Variants in MAP4K3 observed in about 807,000 individuals in gnomAD.
MAP4K3 encodes mitogen-activated protein kinase kinase kinase kinase 3, also known as MAPK/ERK kinase kinase kinase 3.
In MAP4K3, 94 loss-of-function variants were observed where a neutral mutation model predicts 143.5. That is an observed-to-expected ratio of 0.65 (90% CI 0.55 to 0.78). The LOEUF is 0.78. Ranked by LOEUF, MAP4K3 falls within the 30% of genes least tolerant of loss-of-function variation. The pLI is 0.00. For missense variants in MAP4K3, 1,077 were observed against 1,068.1 expected (o/e 1.01, Z -0.12); for synonymous variants, 416 against 347.2 (o/e 1.20, Z -2.20).
chr2:39,437,104 C>T lies in MAP4K3; in HGVS notation c.-117G>A. ...CCGGCTCCCCCGGCGGTCACAATCA[C>T]CCGGCTCCACGCTGCGGCCGCCGCC... On this transcript the variant is annotated 5_prime_UTR_variant, in exon 1 of 34. It adds an upstream start codon to the 5' untranslated region. Coordinates refer to ENST00000263881, the MANE Select transcript of MAP4K3 (RefSeq NM_003618.4). 1.5e-6 allele frequency: 1 copy of T among 652,830 alleles called. No homozygotes were observed. The highest frequency in any genetic ancestry group is 2.4e-6 in the Non-Finnish European group (1 of 417,656). 40.4% of individuals were successfully genotyped at this position (652,830 alleles called of 1,614,324 possible). A position where few individuals can be genotyped will look rare whatever the true frequency, so the allele number is the denominator to read the frequency against.
chr2:39,424,055 T>G (rs976572801), intron 1 of MAP4K3, among the ~76,000 whole-genome samples: 1 of 152,172 alleles, frequency 6.6e-6, no homozygotes. Context: ...GCGATTCTCC[T>G]GCCTCAGCCT....
intron 14 of MAP4K3, among the ~76,000 whole-genome samples, chr2:39,308,639 A>G (rs941605277): frequency 6.6e-6 from 1 of 152,178 alleles, no homozygotes; most frequent in Non-Finnish European, 1.5e-5. Context: ...GTATTTTCCA[A>G]TGTCTCATTT....
chr2:39,311,740 A>G (rs1026237131), intron 13 of MAP4K3, among the ~76,000 whole-genome samples: 1 of 152,266 alleles, frequency 6.6e-6, no homozygotes, highest in Non-Finnish European at 1.5e-5. Context: ...AGATGACTCC[A>G]GCCCTAGCTG....
intron 20 of MAP4K3, among the ~76,000 whole-genome samples, chr2:39,287,877 T>C (rs542426735): frequency 6.6e-6 from 1 of 152,272 alleles, no homozygotes; most frequent in South Asian, 2.1e-4. Context: ...AACCAGTCTC[T>C]AGAAGAGAGA....
intron 15 of MAP4K3, among the ~76,000 whole-genome samples, chr2:39,305,211 G>A (rs184117014): frequency 7.0e-4 from 107 of 152,174 alleles, no homozygotes; most frequent in Non-Finnish European, 5.9e-4. Flanking sequence ...AGTAAATTTC[G>A]TAATGTATAT....
intron 15 of MAP4K3, chr2:39,302,956 A>G (rs1253055954): frequency 6.0e-6 from 1 of 166,308 alleles, no homozygotes; most frequent in Admixed American, 6.5e-5. Context: ...AAAGTGTGAG[A>G]AAGAACTGAA....
intron 28 of MAP4K3, among the ~76,000 whole-genome samples, chr2:39,261,384 A>G (rs1680561308): frequency 6.6e-6 from 1 of 152,252 alleles, no homozygotes; most frequent in African/African-American, 2.4e-5. Context: ...GACAAAAAAA[A>G]TAGATGGAAA....
intron 12 of MAP4K3, among the ~76,000 whole-genome samples, chr2:39,317,075 T>C (rs1683135201): frequency 6.6e-6 from 1 of 151,956 alleles, no homozygotes; most frequent in South Asian, 2.1e-4. Flanking sequence ...TATAGACCAA[T>C]GGAACAGAAC....
chr2:39,381,516 G>C (rs529641241), intron 1 of MAP4K3, among the ~76,000 whole-genome samples: 27 of 152,114 alleles, frequency 1.8e-4, no homozygotes, highest in Admixed American at 7.8e-4. Context: ...TTTGTTTCTT[G>C]TGTTTTTAGT....
intron 2 of MAP4K3, among the ~76,000 whole-genome samples, chr2:39,371,780 A>C (rs947833675): frequency 3.2e-4 from 49 of 151,964 alleles, no homozygotes; most frequent in Admixed American, 3.1e-3. Context: ...AAGAAGAGCT[A>C]AGAAGGTCAC....
rs746083313 is a variant in MAP4K3, at chr2:39,290,381, A to T, written c.1272-47T>A. 4.1e-6 allele frequency: 5 copies of T among 1,213,204 alleles called. No homozygotes were observed. The South Asian group carries it at 6.7e-5, about 16-fold the overall frequency. 75.2% of individuals were successfully genotyped at this position (1,213,204 alleles called of 1,614,324 possible). On this transcript the variant is annotated intron_variant, in intron 18 of 33. Transcript: ENST00000263881. ...ATCAGAACTATTCATTTTACAAATG[A>T]ATCAATCCTAAAATATAATAATTTT...
intron 21 of MAP4K3, among the ~76,000 whole-genome samples, chr2:39,285,814 T>C (rs948350142): frequency 2.0e-5 from 3 of 152,206 alleles, no homozygotes; most frequent in Admixed American, 6.5e-5. Context: ...TGTTGAGATA[T>C]TGGGGATTTT....
intron 12 of MAP4K3, 22 bp from the exon 13 acceptor site, chr2:39,315,410 G>A: frequency 6.8e-7 from 1 of 1,471,206 alleles, no homozygotes; most frequent in Non-Finnish European, 9.5e-7. Context: ...CAAAATCAAT[G>A]ATATGCAGCA....
chr2:39,297,648 C>T (rs1420895876), intron 16 of MAP4K3, among the ~76,000 whole-genome samples: 2 of 152,154 alleles, frequency 1.3e-5, no homozygotes, highest in African/African-American at 4.8e-5. Context: ...TGCCTGATCA[C>T]CTATGGAGAA....
chr2:39,336,644 C>G (rs988180855), intron 6 of MAP4K3, among the ~76,000 whole-genome samples: 1 of 151,994 alleles, frequency 6.6e-6, no homozygotes, highest in Non-Finnish European at 1.5e-5. Flanking sequence ...TAAGCTTACT[C>G]TGCATTTTAC....
chr2:39,287,667 T>C lies in MAP4K3; in HGVS notation c.1474+454A>G, dbSNP rs145684210. On this transcript the variant is annotated intron_variant, in intron 20 of 33. Transcript: ENST00000263881. ...CAGAGGAGTCTTTACAGTGTTAAAA[T>C]AGCACCTTCTAGTATTAATTTGGAG... Among the ~76,000 whole-genome samples the C allele has an allele frequency of 2.4e-3, 373 of 152,280 alleles. 3 individuals are homozygous for C. Among genetic ancestry groups the C allele is most frequent in the African/African-American group, 8.7e-3 (360 of 41,564 alleles).
At chr2:39,267,543 T>C (rs13002095) in intron 26 of MAP4K3, 205,148 of 277,798 alleles carry the variant, frequency 0.74, 80,707 homozygotes, top group Non-Finnish European at 0.84. Context: ...CATGGTGGTG[T>C]ATGCCTGTAA....
At chr2:39,328,614 G>C (rs1376847081) in intron 8 of MAP4K3, among the ~76,000 whole-genome samples, 2 of 152,174 alleles carry the variant, frequency 1.3e-5, no homozygotes, top group African/African-American at 2.4e-5. Flanking sequence ...TTTTTGGATA[G>C]TGTCAATGTG....
chr2:39,417,321 G>A (rs577499159), intron 1 of MAP4K3, among the ~76,000 whole-genome samples: 98 of 151,164 alleles, frequency 6.5e-4, no homozygotes, highest in Non-Finnish European at 1.1e-3. Flanking sequence ...CCGGATTCAC[G>A]CCATTCTCCG....
Sources: gnomAD v4.1 joint callset for allele counts (sites outside exome capture counted in the v4.1 genomes callset) on GRCh38, gnomAD v4.1.1 for gene constraint, MANE v1.5 for transcripts, NCBI Gene and HGNC (gene_info 2026-07-23, HGNC 2026-07-21) for gene names.